Variants in OCIAD1 observed in about 807,000 individuals in gnomAD.
OCIAD1 encodes the protein OCIA domain-containing protein 1.
OCIAD1 carries 29 observed loss-of-function variants against 38.9 expected under a neutral mutation model. That is an observed-to-expected ratio of 0.74 (90% CI 0.55 to 1.02). OCIAD1 has a LOEUF of 1.02. OCIAD1 is among the 50% of genes least tolerant of loss of function. OCIAD1 has a pLI of 0.00. For missense variants in OCIAD1, 288 were observed against 289.6 expected (o/e 0.99, Z 0.04); for synonymous variants, 110 against 92.0 (o/e 1.20, Z -1.12).
chr4:48,829,166 A>G (rs1252403774), upstream of OCIAD1, among the ~76,000 whole-genome samples: 4 of 152,042 alleles, frequency 2.6e-5, no homozygotes, highest in Non-Finnish European at 5.9e-5. Context: ...AGGCTGAGGC[A>G]CAAGAATTGC....
At chr4:48,855,738 C>G (rs1779974869) in intron 7 of OCIAD1, among the ~76,000 whole-genome samples, 1 of 151,868 alleles carries the variant, frequency 6.6e-6, no homozygotes, top group South Asian at 2.1e-4. Context: ...ATCACTGGAA[C>G]CTGGCAGGGG....
intron 1 of OCIAD1, among the ~76,000 whole-genome samples, chr4:48,810,251 C>T (rs1215079697): frequency 2.0e-5 from 3 of 151,712 alleles, no homozygotes; most frequent in Non-Finnish European, 2.9e-5. Context: ...GGGTGGATCA[C>T]GAGGTCAGGA....
intron 4 of OCIAD1, among the ~76,000 whole-genome samples, chr4:48,842,893 C>T (rs1778662757): frequency 6.6e-6 from 1 of 152,128 alleles, no homozygotes; most frequent in Admixed American, 6.6e-5. Flanking sequence ...GCACTAATAG[C>T]ATCATTAACA....
At chr4:48,859,118 T>A (rs1368181596) in intron 8 of OCIAD1, among the ~76,000 whole-genome samples, 4 of 152,214 alleles carry the variant, frequency 2.6e-5, no homozygotes. Flanking sequence ...GTTGTTATGG[T>A]CATTTTTTAG....
chr4:48,831,077 G>C (rs544802424), upstream of OCIAD1: 2 of 232,800 alleles, frequency 8.6e-6, no homozygotes, highest in East Asian at 2.2e-4. Context: ...CCTCCGGGTC[G>C]CGGTCATTTT....
chr4:48,858,807 T>G (rs1454748498), intron 8 of OCIAD1, among the ~76,000 whole-genome samples: 1 of 152,238 alleles, frequency 6.6e-6, no homozygotes. Context: ...TCTAAGGCAT[T>G]TCTTAAAGAT....
chr4:48,818,044 T>C (rs1777158142), intron 1 of OCIAD1, among the ~76,000 whole-genome samples: 1 of 152,146 alleles, frequency 6.6e-6, no homozygotes, highest in Admixed American at 6.5e-5. Context: ...ACAAAAGGGA[T>C]TCTCCCAGCG....
chr4:48,842,732 A>T (rs762594861), intron 4 of OCIAD1, 43 bp downstream of exon 4: 2 of 1,090,302 alleles, frequency 1.8e-6, no homozygotes, highest in South Asian at 1.4e-5. Context: ...TTTGGATACC[A>T]TGTTTGTTTT....
At chr4:48,823,222 G>A (rs1579036714) in intron 1 of OCIAD1, among the ~76,000 whole-genome samples, 1 of 152,166 alleles carries the variant, frequency 6.6e-6, no homozygotes, top group African/African-American at 2.4e-5. Context: ...AAAAAAGAAA[G>A]AGTTCATGTC....
intron 6 of OCIAD1, among the ~76,000 whole-genome samples, chr4:48,851,116 T>G (rs1401018482): frequency 2.0e-5 from 3 of 152,220 alleles, no homozygotes; most frequent in Non-Finnish European, 4.4e-5. Flanking sequence ...CTTTAGCAAA[T>G]TAGTGTTTAT....
chr4:48,861,354 TA>T lies in OCIAD1; in HGVS notation c.*593del, dbSNP rs1195820108. 27 of 152,274 alleles carry T rather than the reference TA, an allele frequency of 1.8e-4. No homozygotes were observed. The highest frequency in any genetic ancestry group is 5.8e-4 in the African/African-American group (24 of 41,448). The allele number at this position is 152,274 out of a possible 1,614,324, so 9.4% of individuals were successfully genotyped here. On this transcript the variant is annotated 3_prime_UTR_variant, in exon 9 of 9. Coordinates refer to ENST00000264312, the MANE Select transcript of OCIAD1 (RefSeq NM_017830.4). ...GTATAGGAAATAAAGTCATCTATAA[TA>T]TTTCTATAATATGGCTATAATATGG...
At chr4:48,857,640 C>T (rs1780179076) in intron 8 of OCIAD1, among the ~76,000 whole-genome samples, 1 of 151,970 alleles carries the variant, frequency 6.6e-6, no homozygotes, top group Admixed American at 6.6e-5. Context: ...CTGCCTCAGC[C>T]TCCCAAATAG....
At chr4:48,860,680 CTTA>C in intron 8 of OCIAD1, 42 bp from the exon 9 acceptor site, 1 of 1,344,856 alleles carries the variant, frequency 7.4e-7, no homozygotes, top group Non-Finnish European at 1.1e-6. Context: ...ATGTCTTTTA[CTTA>C]TTATTGCTTG....
intron 1 of OCIAD1, among the ~76,000 whole-genome samples, chr4:48,811,285 C>T (rs1458316005): frequency 2.0e-5 from 3 of 152,140 alleles, no homozygotes; most frequent in African/African-American, 7.2e-5. Flanking sequence ...ACACAGTAGC[C>T]AGAGTGATCT....
At position 48,843,670 on chromosome 4, in the gene OCIAD1, A is replaced by G. The variant is rs1401247635; in HGVS notation, c.193+981A>G. Among the ~76,000 whole-genome samples the G allele has an allele frequency of 4.6e-5, 7 of 152,306 alleles. No homozygotes were observed. The East Asian group carries it at 1.3e-3, about 29-fold the overall frequency. ...TATGCACTTATATGTCCTTAAGACT[A>G]AGCTGTTTTATAGACTGAGATTGGT... On this transcript the variant is annotated intron_variant, in intron 4 of 8. Coordinates refer to ENST00000264312, the MANE Select transcript of OCIAD1 (RefSeq NM_017830.4).
intron 5 of OCIAD1, chr4:48,848,653 G>T: frequency 2.7e-6 from 1 of 372,794 alleles, no homozygotes; most frequent in Admixed American, 4.6e-5. Context: ...GCATTTTTTT[G>T]TGTCTTTATA....
At position 48,850,027 on chromosome 4, in the gene OCIAD1, T is replaced by TC. The variant is rs1379861861; in HGVS notation, c.328dup (p.Leu110ProfsTer26). On this transcript the variant is annotated frameshift_variant, in exon 6 of 9. Coordinates refer to ENST00000264312, the MANE Select transcript of OCIAD1 (RefSeq NM_017830.4). LOFTEE classifies it high-confidence loss of function. The stretch of plus-strand genomic sequence containing the variant: ...AGAGAAATTCAAGAAACTTGAAAAT[T>TC]CCCCCCTTGGAGAAGCTTTACGATC... The TC allele has an allele frequency of 6.2e-7, 1 of 1,613,426 alleles. No individual in the cohort carries two copies. The highest frequency in any genetic ancestry group is 1.1e-5 in the South Asian group (1 of 90,812).
At chr4:48,850,501 A>G (rs1237740774) in intron 6 of OCIAD1, among the ~76,000 whole-genome samples, 3 of 152,182 alleles carry the variant, frequency 2.0e-5, no homozygotes, top group Non-Finnish European at 4.4e-5. Flanking sequence ...AGTGGGCTCA[A>G]TCAGTCCTCC....
intron 5 of OCIAD1, 199 bp downstream of exon 5, chr4:48,848,645 ATT>A: frequency 2.6e-6 from 1 of 383,344 alleles, no homozygotes; most frequent in Non-Finnish European, 4.6e-6. Context: ...TGAAATAGGC[ATT>A]TTTTTGTGTC....
Sources: gnomAD v4.1 joint callset for allele counts (sites outside exome capture counted in the v4.1 genomes callset) on GRCh38, gnomAD v4.1.1 for gene constraint, MANE v1.5 for transcripts, NCBI Gene and HGNC (gene_info 2026-07-23, HGNC 2026-07-21) for gene names.